Variants in GABRG3 observed in about 807,000 individuals in gnomAD.
The protein encoded by GABRG3 is gamma-aminobutyric acid receptor subunit gamma-3.
GABRG3 carries 25 observed loss-of-function variants against 48.8 expected under a neutral mutation model. That is an observed-to-expected ratio of 0.51 (90% CI 0.37 to 0.72). The LOEUF (loss-of-function observed/expected upper bound fraction) is 0.72. Ranked by LOEUF, GABRG3 falls within the 30% of genes least tolerant of loss-of-function variation. The probability of loss-of-function intolerance (pLI) is 0.00; values close to 1 mark genes in which losing one functional copy is unlikely to be tolerated. For synonymous variants in GABRG3, 227 were observed against 217.6 expected, an observed-to-expected ratio of 1.04 and a Z score of -0.38; for missense variants, 394 against 577.9, an observed-to-expected ratio of 0.68 and a Z score of 3.26.
At chr15:27,363,334 C>T (rs1023512481) in intron 5 of GABRG3, 8 of 152,116 alleles carry the variant, frequency 5.3e-5, no homozygotes, top group Non-Finnish European at 7.3e-5. Context: ...GGAAGTCCCA[C>T]CCAGGAGGAT....
intron 3 of GABRG3, among the ~76,000 whole-genome samples, chr15:27,105,555 G>C (rs1897435007): frequency 6.6e-6 from 1 of 152,240 alleles, no homozygotes; most frequent in Non-Finnish European, 1.5e-5. Context: ...TAAAGAATTT[G>C]TTCTGCAACC....
At chr15:27,176,644 G>T (rs930532860) in intron 3 of GABRG3, among the ~76,000 whole-genome samples, 1 of 152,186 alleles carries the variant, frequency 6.6e-6, no homozygotes, top group Non-Finnish European at 1.5e-5. Context: ...CCCAGAAGAG[G>T]TGACCAGAAG....
At chr15:27,425,428 C>A (rs1160021782) in intron 5 of GABRG3, among the ~76,000 whole-genome samples, 2 of 147,252 alleles carry the variant, frequency 1.4e-5, no homozygotes, top group Admixed American at 6.9e-5. Context: ...CAAGGTGAAA[C>A]CGTGTCTCTA....
Position 27,396,315 on chromosome 15 carries a change from A to G in GABRG3, c.574+67427A>G, listed in dbSNP as rs537669688. Among the ~76,000 whole-genome samples the G allele has an allele frequency of 2.6e-5, 4 of 152,326 alleles. No homozygotes were observed. In the South Asian group the frequency reaches 8.3e-4, roughly 32 times the overall value. On this transcript the variant is annotated intron_variant, in intron 5 of 9. Coordinates refer to ENST00000615808, the MANE Select transcript of GABRG3 (RefSeq NM_033223.5). Reference sequence around the variant, plus strand: ...ACACTCAAAAGTCAGCAATAAGAAAACAAGCAACCCAATAAAAAAATGGTA... The same window carrying G: ...ACACTCAAAAGTCAGCAATAAGAAAGCAAGCAACCCAATAAAAAAATGGTA...
At chr15:27,290,813 A>G (rs1891771208) in intron 3 of GABRG3, among the ~76,000 whole-genome samples, 1 of 152,236 alleles carries the variant, frequency 6.6e-6, no homozygotes. Flanking sequence ...TGAATAAAGT[A>G]TACACTGTAG....
In GABRG3 at chr15:27,534,017, TG is replaced by T. The variant is rs1404849715; in HGVS notation, c.*1137del. 3.9e-5 allele frequency: 6 copies of T among 151,934 alleles called. No individual in the cohort carries two copies. Among genetic ancestry groups the T allele is most frequent in the African/African-American group, 1.5e-4 (6 of 41,328 alleles). 9.4% of individuals were successfully genotyped at this position (151,934 alleles called of 1,614,324 possible). On this transcript the variant is annotated 3_prime_UTR_variant, in exon 10 of 10. Coordinates refer to ENST00000615808, the MANE Select transcript of GABRG3 (RefSeq NM_033223.5). ...CACACCCGGCTAATTTTTGTATTTT[TG>T]TTTTTTGTTTTTTGGGTTTTTTTAG...
intron 3 of GABRG3, among the ~76,000 whole-genome samples, chr15:27,156,798 G>A (rs764439429): frequency 1.3e-5 from 2 of 152,166 alleles, no homozygotes; most frequent in Non-Finnish European, 2.9e-5. Flanking sequence ...TTCAGCAATA[G>A]GGCCATGAAC....
At chr15:27,074,825 C>T (rs773377005) in intron 3 of GABRG3, among the ~76,000 whole-genome samples, 5 of 151,846 alleles carry the variant, frequency 3.3e-5, no homozygotes, top group South Asian at 2.1e-4. Flanking sequence ...AGGTGGAAAG[C>T]GAATCGAAGG....
chr15:27,328,277 C>A (rs549586190), intron 4 of GABRG3, among the ~76,000 whole-genome samples: 37 of 152,002 alleles, frequency 2.4e-4, no homozygotes, highest in African/African-American at 8.0e-4. Context: ...AGGGCGAAGA[C>A]CTGGCCAGTT....
chr15:27,367,388 G>A (rs762357690), intron 5 of GABRG3, among the ~76,000 whole-genome samples: 6 of 152,218 alleles, frequency 3.9e-5, no homozygotes, highest in Non-Finnish European at 8.8e-5. Context: ...ATAAAGGTAT[G>A]TGGTGTCCAA....
intron 3 of GABRG3, among the ~76,000 whole-genome samples, chr15:27,133,531 T>G (rs1787754424): frequency 1.3e-5 from 2 of 152,226 alleles, no homozygotes; most frequent in African/African-American, 4.8e-5. Flanking sequence ...TTCCTTTTTT[T>G]CTGTTTTATG....
intron 3 of GABRG3, among the ~76,000 whole-genome samples, chr15:27,133,824 A>G (rs1281354156): frequency 6.6e-6 from 1 of 152,208 alleles, no homozygotes; most frequent in Admixed American, 6.5e-5. Flanking sequence ...GTTGGTGTAA[A>G]TGTCTAGGTT....
chr15:27,249,764 A>G (rs1296304975), intron 3 of GABRG3, among the ~76,000 whole-genome samples: 1 of 152,236 alleles, frequency 6.6e-6, no homozygotes, highest in East Asian at 1.9e-4. Flanking sequence ...CCAAGCTGCA[A>G]AACCTTTTAC....
At chr15:27,095,965 G>A (rs150628589) in intron 3 of GABRG3, among the ~76,000 whole-genome samples, 10 of 152,252 alleles carry the variant, frequency 6.6e-5, no homozygotes, top group South Asian at 2.1e-4. Context: ...CATTTCCAGC[G>A]GTTCAGCCCA....
chr15:27,017,547 C>T (rs1895803213), intron 2 of GABRG3, among the ~76,000 whole-genome samples: 1 of 152,188 alleles, frequency 6.6e-6, no homozygotes, highest in Non-Finnish European at 1.5e-5. Context: ...ACACAGAAAC[C>T]AGTCACTTGG....
chr15:27,148,196 A>G (rs1358493464), intron 3 of GABRG3, among the ~76,000 whole-genome samples: 3 of 151,974 alleles, frequency 2.0e-5, no homozygotes, highest in Non-Finnish European at 4.4e-5. Flanking sequence ...ATTATAATCT[A>G]TAATATTTAG....
chr15:27,308,015 T>C (rs1477548727), intron 3 of GABRG3, among the ~76,000 whole-genome samples: 2 of 139,000 alleles, frequency 1.4e-5, no homozygotes, highest in Non-Finnish European at 3.1e-5. Flanking sequence ...TAAACGTATA[T>C]ATAAAATAAA....
At chr15:27,478,243 ATTT>A (rs1349869227) in intron 5 of GABRG3, among the ~76,000 whole-genome samples, 1 of 152,180 alleles carries the variant, frequency 6.6e-6, no homozygotes, top group Admixed American at 6.5e-5. Context: ...GGGAGAAAAT[ATTT>A]TAAAACATAT....
chr15:27,296,393 T>C (rs1891984368), intron 3 of GABRG3, among the ~76,000 whole-genome samples: 2 of 152,128 alleles, frequency 1.3e-5, no homozygotes, highest in African/African-American at 4.8e-5. Flanking sequence ...ACAACTGTAT[T>C]TGAGTAGGAT....
Sources: gnomAD v4.1 joint callset for allele counts (sites outside exome capture counted in the v4.1 genomes callset) on GRCh38, gnomAD v4.1.1 for gene constraint, MANE v1.5 for transcripts, NCBI Gene and HGNC (gene_info 2026-07-23, HGNC 2026-07-21) for gene names.